PTPRT: variants seen among roughly 807,000 people sequenced by gnomAD.
PTPRT encodes protein tyrosine phosphatase receptor type T, also known as receptor-type tyrosine-protein phosphatase T.
PTPRT carries 56 observed loss-of-function variants against 176.8 expected under a neutral mutation model. The ratio of observed to expected loss-of-function variants is 0.32; its 90% confidence interval spans 0.26 to 0.40. The LOEUF is 0.40. PTPRT is among the 10% of genes least tolerant of loss of function. The pLI, the probability that PTPRT is intolerant of heterozygous loss-of-function variation, is 1.00. For missense variants in PTPRT, 1,540 were observed against 1,908.2 expected, an observed-to-expected ratio of 0.81 and a Z score of 3.60; for synonymous variants, 783 against 739.0, an observed-to-expected ratio of 1.06 and a Z score of -0.96.
At chr20:42,773,996 A>T (rs2077098786) in intron 4 of PTPRT, among the ~76,000 whole-genome samples, 1 of 152,210 alleles carries the variant, frequency 6.6e-6, no homozygotes, top group Non-Finnish European at 1.5e-5. Context: ...TCTCAGCAAC[A>T]GACCTTTTGC....
intron 7 of PTPRT, among the ~76,000 whole-genome samples, chr20:42,619,627 G>A (rs1458069607): frequency 7.4e-6 from 1 of 134,264 alleles, no homozygotes; most frequent in Non-Finnish European, 1.5e-5. Context: ...TTTCTTGGAG[G>A]CTTTGCTCAT....
At chr20:42,649,204 A>G (rs770335661) in intron 7 of PTPRT, among the ~76,000 whole-genome samples, 1 of 152,062 alleles carries the variant, frequency 6.6e-6, no homozygotes, top group Non-Finnish European at 1.5e-5. Context: ...AGCAAGTTAC[A>G]TCTTACATGG....
intron 6 of PTPRT, among the ~76,000 whole-genome samples, chr20:42,717,587 AT>A (rs57436240): frequency 0.14 from 21,474 of 150,212 alleles, 2,342 homozygotes; most frequent in African/African-American, 0.3. Context: ...GTGAGACAGG[AT>A]TTTTTTTTTA....
At chr20:42,759,879 C>A (rs1179505519) in intron 5 of PTPRT, among the ~76,000 whole-genome samples, 2 of 152,162 alleles carry the variant, frequency 1.3e-5, no homozygotes, top group African/African-American at 2.4e-5. Flanking sequence ...CAGGTGGTGT[C>A]TCTGGTTGGG....
intron 7 of PTPRT, among the ~76,000 whole-genome samples, chr20:42,633,787 ATATATATATATATATATAT>A (rs1569037054): frequency 1.7e-4 from 2 of 11,564 alleles, no homozygotes; most frequent in African/African-American, 5.4e-4. Context: ...CTCTGAAAAT[ATATATATATATATATATAT>A]ATATATATAT....
intron 9 of PTPRT, among the ~76,000 whole-genome samples, chr20:42,387,020 G>T (rs1489291661): frequency 2.0e-5 from 3 of 152,102 alleles, no homozygotes; most frequent in African/African-American, 4.8e-5. Context: ...GATCCTCTAA[G>T]TTCCTTTTTT....
At chr20:42,148,260 A>AT (rs34255255) in intron 17 of PTPRT, among the ~76,000 whole-genome samples, 32,583 of 113,960 alleles carry the variant, frequency 0.29, 4,676 homozygotes, top group East Asian at 0.37. Context: ...CAAGGCAGTC[A>AT]TTTTTTTTTT....
chr20:42,851,535 C>CA (rs1224210590), intron 2 of PTPRT, among the ~76,000 whole-genome samples: 1 of 152,092 alleles, frequency 6.6e-6, no homozygotes, highest in Non-Finnish European at 1.5e-5. Context: ...CCTATTGAAA[C>CA]AAAAATAAAT....
rs79072172 is a variant in PTPRT, at chr20:42,915,121, C to T, written c.89-29189G>A. ...TAAAGTAAAATGACTGTGCTAATGTCGTTGTTAATGTTTCGTGGTCAGAGC... is the reference window on the plus strand; with the variant it reads ...TAAAGTAAAATGACTGTGCTAATGTTGTTGTTAATGTTTCGTGGTCAGAGC... On this transcript the variant is annotated intron_variant, in intron 1 of 30. Transcript: ENST00000373187. 9.8e-3 allele frequency among the ~76,000 whole-genome samples: 1,499 copies of T among 152,296 alleles called. 14 individuals carry two copies. The highest frequency in any genetic ancestry group is 0.017 in the Non-Finnish European group (1,150 of 68,018).
intron 3 of PTPRT, among the ~76,000 whole-genome samples, chr20:42,785,142 G>C (rs536196786): frequency 9.9e-5 from 15 of 152,108 alleles, no homozygotes; most frequent in African/African-American, 3.6e-4. Flanking sequence ...ATTAATATTT[G>C]TCAATTAAAA....
chr20:43,051,368 C>T (rs941911382), intron 1 of PTPRT, among the ~76,000 whole-genome samples: 4 of 152,012 alleles, frequency 2.6e-5, no homozygotes, highest in Non-Finnish European at 5.9e-5. Context: ...CTGTGCATTT[C>T]AATCAATGCT....
chr20:42,761,642 C>T (rs554320371), intron 5 of PTPRT, among the ~76,000 whole-genome samples: 8 of 152,236 alleles, frequency 5.3e-5, no homozygotes, highest in South Asian at 2.1e-4. Context: ...AGGCAGAGAG[C>T]GGTCAAGCAA....
At chr20:42,964,060 C>T (rs1460212724) in intron 1 of PTPRT, among the ~76,000 whole-genome samples, 1 of 151,996 alleles carries the variant, frequency 6.6e-6, no homozygotes, top group East Asian at 1.9e-4. Flanking sequence ...GTTGCCAGCC[C>T]CTGCAACCTA....
intron 16 of PTPRT, among the ~76,000 whole-genome samples, chr20:42,164,865 A>AT (rs550810254): frequency 1.3e-5 from 2 of 152,010 alleles, no homozygotes; most frequent in Non-Finnish European, 2.9e-5. Flanking sequence ...GGGACAGAGG[A>AT]TTTTTCATTT....
intron 8 of PTPRT, among the ~76,000 whole-genome samples, chr20:42,448,963 G>T (rs1249735811): frequency 6.6e-6 from 1 of 152,076 alleles, no homozygotes; most frequent in Non-Finnish European, 1.5e-5. Context: ...GCAGCCCAGG[G>T]GCTGCTGGTT....
intron 2 of PTPRT, among the ~76,000 whole-genome samples, chr20:42,859,970 A>C (rs2078633832): frequency 6.6e-6 from 1 of 152,084 alleles, no homozygotes; most frequent in African/African-American, 2.4e-5. Context: ...CTGTACCTTC[A>C]ATGGTATCAT....
At position 42,952,067 on chromosome 20, in the gene PTPRT, G is replaced by A. The variant is rs188867731; in HGVS notation, c.89-66135C>T. The stretch of plus-strand genomic sequence containing the variant: ...TGCTATTAGGGTTAAACAGTAGTCA[G>A]AAGGTCGAGAGAGACTCAAAGGCAT... On this transcript the variant is annotated intron_variant, in intron 1 of 30. Coordinates refer to ENST00000373187, the MANE Select transcript of PTPRT (RefSeq NM_007050.6). 2.8e-3 allele frequency among the ~76,000 whole-genome samples: 431 copies of A among 152,346 alleles called. 2 individuals are homozygous for A. The highest frequency in any genetic ancestry group is 0.014 in the Middle Eastern group (4 of 294).
intron 13 of PTPRT, among the ~76,000 whole-genome samples, chr20:42,264,881 C>T (rs751210302): frequency 3.9e-5 from 6 of 152,350 alleles, no homozygotes; most frequent in Middle Eastern, 3.4e-3. Flanking sequence ...CCACCACTCA[C>T]GTTTCTCAGA....
intron 9 of PTPRT, among the ~76,000 whole-genome samples, chr20:42,403,152 T>C (rs1363181248): frequency 3.3e-5 from 5 of 152,156 alleles, no homozygotes; most frequent in African/African-American, 1.2e-4. Flanking sequence ...GTTTCAGTCA[T>C]TCTAGGTATA....
Sources: gnomAD v4.1 joint callset for allele counts (sites outside exome capture counted in the v4.1 genomes callset) on GRCh38, gnomAD v4.1.1 for gene constraint, MANE v1.5 for transcripts, NCBI Gene and HGNC (gene_info 2026-07-23, HGNC 2026-07-21) for gene names.